Variants in NSMAF observed in about 807,000 individuals in gnomAD.
NSMAF encodes protein FAN.
A neutral mutation model predicts 134.9 loss-of-function variants in NSMAF; 90 were observed. That is an observed-to-expected ratio of 0.67 (90% CI 0.56 to 0.79). NSMAF has a LOEUF of 0.79. Among genes scored for constraint, NSMAF ranks in the 30% least tolerant of loss-of-function variants. The pLI, the probability that NSMAF is intolerant of heterozygous loss-of-function variation, is 0.00. For synonymous variants in NSMAF, 358 were observed against 389.6 expected (o/e 0.92, Z 0.96); for missense variants, 1,010 against 1,119.0 (o/e 0.90, Z 1.39).
At chr8:58,628,859 A>G (rs1052745917) in intron 6 of NSMAF, among the ~76,000 whole-genome samples, 1 of 152,118 alleles carries the variant, frequency 6.6e-6, no homozygotes, top group African/African-American at 2.4e-5. Flanking sequence ...TGTTTTTACC[A>G]TTCTGAATTT....
intron 5 of NSMAF, among the ~76,000 whole-genome samples, 181 bp from the exon 6 acceptor site, chr8:58,631,727 AC>A (rs1229384096): frequency 3.3e-5 from 5 of 152,176 alleles, no homozygotes; most frequent in African/African-American, 1.2e-4. Context: ...TGTTAAAATA[AC>A]AAATATCAAA....
At chr8:58,588,635 T>C in intron 26 of NSMAF, 1 of 1,510,534 alleles carries the variant, frequency 6.6e-7, no homozygotes, top group Non-Finnish European at 9.1e-7. Flanking sequence ...GCCTCCACTA[T>C]GTTTCGAATG....
Position 58,607,859 on chromosome 8 carries a change from A to G in NSMAF, c.688-19T>C, listed in dbSNP as rs1806444390. 6.3e-7 allele frequency: 1 copy of G among 1,587,582 alleles called. No homozygotes were observed. Among genetic ancestry groups the G allele is most frequent in the Non-Finnish European group, 8.7e-7 (1 of 1,155,912 alleles). On this transcript the variant is annotated intron_variant, in intron 10 of 30. Transcript: ENST00000038176. ...CAGGTTTCTTTAAAAGTAGAAAGAC[A>G]ATCTCAAACATTATTGTTCTGACAC...
intron 26 of NSMAF, chr8:58,588,597 C>T (rs998258415): frequency 8.5e-6 from 12 of 1,413,908 alleles, no homozygotes; most frequent in African/African-American, 6.8e-5. Context: ...CAAAGATGCT[C>T]GCTTCAGAAA....
intron 25 of NSMAF, 145 bp downstream of exon 25, chr8:58,589,862 A>G (rs1300051975): frequency 1.2e-5 from 8 of 675,758 alleles, no homozygotes; most frequent in Non-Finnish European, 1.7e-5. Flanking sequence ...AAATCCAACC[A>G]TACTGTCCTC....
intron 1 of NSMAF, among the ~76,000 whole-genome samples, chr8:58,647,750 T>C (rs1004784882): frequency 1.7e-4 from 26 of 152,210 alleles, no homozygotes; most frequent in African/African-American, 6.0e-4. Flanking sequence ...CAGATGCTGG[T>C]GCCTTGCTTC....
rs778112406 is a variant in NSMAF, at chr8:58,659,245, C to G, written c.59+328G>C. 7.2e-5 allele frequency: 108 copies of G among 1,503,930 alleles called. No individual in the cohort carries two copies. In the Middle Eastern group the frequency reaches 1.8e-3, roughly 25 times the overall value. 93.2% of individuals were successfully genotyped at this position (1,503,930 alleles called of 1,614,324 possible). ...CGTGCCGGGATCCACGCCCGGACCC[C>G]GCGCGGCCTTCCGGGTGAGCTGCCC... On this transcript the variant is annotated intron_variant, in intron 1 of 30. Transcript: ENST00000038176.
chr8:58,600,611 G>A (rs1193546739), intron 16 of NSMAF, among the ~76,000 whole-genome samples: 12 of 100,890 alleles, frequency 1.2e-4, no homozygotes, highest in African/African-American at 5.2e-4. Context: ...GACAGAGCAA[G>A]ACTCTGTCTC....
intron 2 of NSMAF, among the ~76,000 whole-genome samples, chr8:58,638,136 A>G (rs758271565): frequency 6.6e-6 from 1 of 152,192 alleles, no homozygotes; most frequent in Non-Finnish European, 1.5e-5. Context: ...TGCAGCCTCA[A>G]AATGGGCTCA....
chr8:58,627,687 A>G (rs552208284), intron 6 of NSMAF, among the ~76,000 whole-genome samples: 212 of 152,356 alleles, frequency 1.4e-3, no homozygotes, highest in African/African-American at 4.7e-3. Flanking sequence ...AAGAAAAACT[A>G]TAAAACACTA....
intron 1 of NSMAF, among the ~76,000 whole-genome samples, chr8:58,651,430 G>C (rs181995138): frequency 3.0e-4 from 45 of 152,172 alleles, no homozygotes; most frequent in African/African-American, 9.9e-4. Flanking sequence ...CACTCAGCTG[G>C]ACTCTAGAAA....
Position 58,586,504 on chromosome 8 carries a change from C to A in NSMAF, c.2400G>T (p.Gln800His). 6.2e-7 allele frequency: 1 copy of A among 1,612,148 alleles called. No individual in the cohort carries two copies. The highest frequency in any genetic ancestry group is 8.5e-7 in the Non-Finnish European group (1 of 1,180,006). Residue 800 changes from glutamine (Q) to histidine (H), a missense_variant, in exon 28 of 31, where the codon CAG becomes CAT. Gln to His is a conservative substitution (Grantham distance 24). Transcript: ENST00000038176. The stretch of plus-strand genomic sequence containing the variant: ...ATACAATCCCTGAATGGCATGGAAT[C>A]TGGTGCATTAAGGTGGCCGTTGTGA... Reference protein sequence around the residue: ...WDLTTATLMHQIPCHSGIVCD... With the variant: ...WDLTTATLMHHIPCHSGIVCD...
intron 9 of NSMAF, among the ~76,000 whole-genome samples, chr8:58,620,406 T>C (rs1404762259): frequency 6.6e-6 from 1 of 152,186 alleles, no homozygotes; most frequent in Non-Finnish European, 1.5e-5. Context: ...AGATGCATCA[T>C]CAACGACTAG....
intron 6 of NSMAF, among the ~76,000 whole-genome samples, chr8:58,629,998 C>A (rs1251952408): frequency 6.6e-6 from 1 of 152,146 alleles, no homozygotes; most frequent in African/African-American, 2.4e-5. Context: ...TGGGCAGCTC[C>A]CCTGAAAAGT....
intron 1 of NSMAF, among the ~76,000 whole-genome samples, chr8:58,649,555 A>G (rs1293485040): frequency 6.6e-6 from 1 of 152,220 alleles, no homozygotes; most frequent in Non-Finnish European, 1.5e-5. Context: ...GGAATTACCA[A>G]TGTTGAAAGT....
At chr8:58,611,826 G>C (rs1292042209) in intron 9 of NSMAF, among the ~76,000 whole-genome samples, 1 of 152,140 alleles carries the variant, frequency 6.6e-6, no homozygotes, top group East Asian at 1.9e-4. Flanking sequence ...AAGTATAACT[G>C]ATTATAAAAG....
intron 9 of NSMAF, among the ~76,000 whole-genome samples, chr8:58,622,399 A>AT (rs886912116): frequency 3.3e-4 from 47 of 144,446 alleles, no homozygotes; most frequent in South Asian, 1.1e-3. Flanking sequence ...TGCCCAACTA[A>AT]TTTTTTTTTT....
intron 9 of NSMAF, among the ~76,000 whole-genome samples, chr8:58,614,402 T>C (rs554692802): frequency 2.0e-5 from 3 of 152,332 alleles, no homozygotes; most frequent in Admixed American, 6.5e-5. Context: ...ATCTAAGCAG[T>C]AGAGTGACGG....
At position 58,590,094 on chromosome 8, in the gene NSMAF, A is replaced by T. The variant is rs757870955; in HGVS notation, c.2020-20T>A. 1.2e-6 allele frequency: 2 copies of T among 1,601,392 alleles called. No individual in the cohort carries two copies. The highest frequency in any genetic ancestry group is 1.7e-5 in the Admixed American group (1 of 59,954). On this transcript the variant is annotated intron_variant, in intron 24 of 30. Transcript: ENST00000038176. ...TAAAGCCTGAAATACAAATGATTTG[A>T]CGTTAACAATCTATAATAATTAGTA...
Sources: allele counts gnomAD v4.1 joint callset (sites outside exome capture counted in the v4.1 genomes callset), GRCh38; gene constraint gnomAD v4.1.1; transcripts MANE v1.5; gene names NCBI Gene and HGNC (gene_info 2026-07-23, HGNC 2026-07-21).